MAFK: variants seen among roughly 807,000 people sequenced by gnomAD.
MAFK encodes MAF bZIP transcription factor K.
A neutral mutation model predicts 9.2 loss-of-function variants in MAFK; 1 was observed. That is an observed-to-expected ratio of 0.11 (90% CI 0.04 to 0.52). MAFK has a LOEUF of 0.52. Among genes scored for constraint, MAFK ranks in the 20% least tolerant of loss-of-function variants. The probability of loss-of-function intolerance (pLI) is 0.94; values close to 1 mark genes in which losing one functional copy is unlikely to be tolerated. For missense variants in MAFK, 207 were observed against 236.0 expected, an observed-to-expected ratio of 0.88 and a Z score of 0.81; for synonymous variants, 110 against 107.4, an observed-to-expected ratio of 1.02 and a Z score of -0.15.
chr7:1,539,898 C>T, intron 2 of MAFK, 43 bp from the exon 3 acceptor site: 2 of 1,456,100 alleles, frequency 1.4e-6, no homozygotes, highest in Non-Finnish European at 1.8e-6. Flanking sequence ...CAGGCAGACA[C>T]CCCACGTTCT....
chr7:1,534,186 G>T lies in MAFK; in HGVS notation c.-45+3288G>T. 2.2e-6 allele frequency: 1 copy of T among 452,418 alleles called. No homozygotes were observed. Among genetic ancestry groups the T allele is most frequent in the South Asian group, 1.6e-5 (1 of 64,438 alleles). The allele number at this position is 452,418 out of a possible 1,614,324, so 28.0% of individuals were successfully genotyped here. ...GGGGTGCCTCCCGCATGCTTAGTGG[G>T]GCTGTGTCCGGGACAGCCGGACAGT... is the stretch of plus-strand genomic sequence containing the variant. On this transcript the variant is annotated intron_variant, in intron 1 of 2. Coordinates refer to ENST00000343242, the MANE Select transcript of MAFK (RefSeq NM_002360.4). This position sits in a 1 kb window ranked among gnomAD's most constrained non-coding sequence, Gnocchi z 4.3.
intron 1 of MAFK, chr7:1,537,819 G>C: frequency 2.1e-6 from 1 of 480,204 alleles, no homozygotes; most frequent in Non-Finnish European, 2.7e-6. Flanking sequence ...TGTGGGGAGG[G>C]TCCTGGGCTG....
At position 1,534,215 on chromosome 7, in the gene MAFK, G is replaced by C. The variant is rs1253095651; in HGVS notation, c.-45+3317G>C. The C allele has an allele frequency of 2.2e-6, 1 of 455,062 alleles. No homozygotes were observed. Among genetic ancestry groups the C allele is most frequent in the Admixed American group, 2.4e-5 (1 of 42,542 alleles). 28.2% of individuals were successfully genotyped at this position (455,062 alleles called of 1,614,324 possible). A position where few individuals can be genotyped will look rare whatever the true frequency, so the allele number is the denominator to read the frequency against. ...GTGTCCGGGACAGCCGGACAGTGGGGGCCCTCGCAGTGTAGGACCTCATCC... is the reference window on the plus strand; with the variant it reads ...GTGTCCGGGACAGCCGGACAGTGGGCGCCCTCGCAGTGTAGGACCTCATCC... On this transcript the variant is annotated intron_variant, in intron 1 of 2. Transcript: ENST00000343242. This position sits in a 1 kb window ranked among gnomAD's most constrained non-coding sequence, Gnocchi z 4.3.
chr7:1,539,074 A>G (rs145907430), intron 1 of MAFK, 75 bp from the exon 2 acceptor site: 636 of 1,136,020 alleles, frequency 5.6e-4, no homozygotes, highest in Non-Finnish European at 8.1e-4. Context: ...GCATCCCTGC[A>G]TGGGAGGTGG....
chr7:1,539,095 C>T lies in MAFK; in HGVS notation c.-44-54C>T, dbSNP rs138649286. 7.7e-5 allele frequency: 111 copies of T among 1,434,976 alleles called. No individual in the cohort carries two copies. In the African/African-American group the frequency reaches 1.1e-3, roughly 14 times the overall value. 88.9% of individuals were successfully genotyped at this position (1,434,976 alleles called of 1,614,324 possible). A position where few individuals can be genotyped will look rare whatever the true frequency, so the allele number is the denominator to read the frequency against. On this transcript the variant is annotated intron_variant, in intron 1 of 2. Coordinates refer to ENST00000343242, the MANE Select transcript of MAFK (RefSeq NM_002360.4). Reference sequence around the variant, plus strand: ...CTGCATGGGAGGTGGGCACCCTGTCCGGCGCTGCCGGCCCTGACCTGTGCT... The same window carrying T: ...CTGCATGGGAGGTGGGCACCCTGTCTGGCGCTGCCGGCCCTGACCTGTGCT...
In MAFK at chr7:1,540,305, C is replaced by G; in HGVS notation, c.401C>G (p.Thr134Ser). The G allele has an allele frequency of 1.2e-6, 2 of 1,611,678 alleles. No individual in the cohort carries two copies. Among genetic ancestry groups the G allele is most frequent in the Non-Finnish European group, 1.7e-6 (2 of 1,179,142 alleles). ...GPVAPSKVAT[T>S]SVITIVKSTE... ...GTGGCGCCCTCCAAGGTGGCCACCA[C>G]CAGCGTCATCACCATCGTCAAGTCC... Residue 134 changes from threonine to serine, a missense_variant, in exon 3 of 3, where the codon ACC becomes AGC. Physicochemically the swap from Thr to Ser is moderately conservative, Grantham distance 58 (BLOSUM62 1). Coordinates refer to ENST00000343242, the MANE Select transcript of MAFK (RefSeq NM_002360.4).
chr7:1,534,224 A>G lies in MAFK; in HGVS notation c.-45+3326A>G, dbSNP rs952946452. 4 of 454,948 alleles carry G rather than the reference A, an allele frequency of 8.8e-6. No homozygotes were observed. Among genetic ancestry groups the G allele is most frequent in the African/African-American group, 2.0e-5 (1 of 50,000 alleles). 28.2% of individuals were successfully genotyped at this position (454,948 alleles called of 1,614,324 possible). ...ACAGCCGGACAGTGGGGGCCCTCGC[A>G]GTGTAGGACCTCATCCTCAGTAGGA... On this transcript the variant is annotated intron_variant, in intron 1 of 2. Coordinates refer to ENST00000343242, the MANE Select transcript of MAFK (RefSeq NM_002360.4). The surrounding 1 kb of genome is among the most constrained non-coding windows in gnomAD (Gnocchi z 4.3).
chr7:1,531,391 A>T (rs2128550471), intron 1 of MAFK, among the ~76,000 whole-genome samples: 1 of 152,058 alleles, frequency 6.6e-6, no homozygotes, highest in South Asian at 2.1e-4. Flanking sequence ...CCTCCCGGTG[A>T]CGGGCGGCGC....
rs1784116520 is a variant in MAFK at position 1,539,349 on chromosome 7, G to A, written c.36+121G>A. 7 of 768,798 alleles carry A rather than the reference G, an allele frequency of 9.1e-6. No individual in the cohort carries two copies. The Admixed American group carries it at 1.0e-4, about 11-fold the overall frequency. The allele number at this position is 768,798 out of a possible 1,614,324, so 47.6% of individuals were successfully genotyped here. On this transcript the variant is annotated intron_variant, in intron 2 of 2. Coordinates refer to ENST00000343242, the MANE Select transcript of MAFK (RefSeq NM_002360.4). ...GTGATGGAGGCCTCCCTGTTGCCAGGAGGAGGGGGGCTGCTGTGGCCGAGG... is the reference window on the plus strand; with the variant it reads ...GTGATGGAGGCCTCCCTGTTGCCAGAAGGAGGGGGGCTGCTGTGGCCGAGG...
chr7:1,534,148 C>G lies in MAFK; in HGVS notation c.-45+3250C>G, dbSNP rs112808977. The G allele has an allele frequency of 9.1e-6, 4 of 437,870 alleles. No individual in the cohort carries two copies. Among genetic ancestry groups the G allele is most frequent in the Non-Finnish European group, 9.4e-6 (2 of 213,570 alleles). The allele number at this position is 437,870 out of a possible 1,614,324, so 27.1% of individuals were successfully genotyped here. On this transcript the variant is annotated intron_variant, in intron 1 of 2. Coordinates refer to ENST00000343242, the MANE Select transcript of MAFK (RefSeq NM_002360.4). This position sits in a 1 kb window ranked among gnomAD's most constrained non-coding sequence, Gnocchi z 4.3. ...CTGCTGGCTGGTATGGGCCGGGCTG[C>G]GGGGTGCCAAGTGGGGTGCCTCCCG... is the stretch of plus-strand genomic sequence containing the variant.
intron 1 of MAFK, among the ~76,000 whole-genome samples, chr7:1,533,207 C>G (rs1783943543): frequency 6.6e-6 from 1 of 152,164 alleles, no homozygotes; most frequent in Non-Finnish European, 1.5e-5. Flanking sequence ...GGTGTAGAGC[C>G]TTCCTGCTTC....
rs927671069 is a variant in MAFK, at chr7:1,538,524, C to T, written c.-44-625C>T. 2.3e-5 allele frequency: 18 copies of T among 773,494 alleles called. 1 individual carries two copies. Among genetic ancestry groups the T allele is most frequent in the Admixed American group, 1.9e-4 (3 of 16,028 alleles). The allele number at this position is 773,494 out of a possible 1,614,324, so 47.9% of individuals were successfully genotyped here. A position where few individuals can be genotyped will look rare whatever the true frequency, so the allele number is the denominator to read the frequency against. Reference sequence around the variant, plus strand: ...CGGCTGGGCCTCCACCCAGGCCCACCGTGGGGGATGGCGATGTCAGGGGCT... The same window carrying T: ...CGGCTGGGCCTCCACCCAGGCCCACTGTGGGGGATGGCGATGTCAGGGGCT... On this transcript the variant is annotated intron_variant, in intron 1 of 2. Coordinates refer to ENST00000343242, the MANE Select transcript of MAFK (RefSeq NM_002360.4).
chr7:1,540,106 T>A lies in MAFK; in HGVS notation c.202T>A (p.Cys68Ser). 2 of 1,570,562 alleles carry A rather than the reference T, an allele frequency of 1.3e-6. No individual in the cohort carries two copies. The highest frequency in any genetic ancestry group is 1.7e-6 in the Non-Finnish European group (2 of 1,157,784). The stretch of plus-strand genomic sequence containing the variant: ...CAAGAACCGCGGCTACGCGGCCAGC[T>A]GCCGCATCAAGCGGGTGACGCAGAA... ...TLKNRGYAAS[C>S]RIKRVTQKEE... The change falls in exon 3 of 3, where the codon TGC becomes AGC. Residue 68 changes from cysteine (C) to serine (S), a missense_variant. Cys to Ser is a moderately radical substitution (Grantham distance 112). Transcript: ENST00000343242.
At chr7:1,538,068 G>A (rs936420683) in intron 1 of MAFK, 6 of 172,568 alleles carry the variant, frequency 3.5e-5, no homozygotes, top group Non-Finnish European at 5.8e-5. Flanking sequence ...TGCCGGCCTC[G>A]TGATGTCTGT....
At chr7:1,535,784 C>G (rs563270178) in intron 1 of MAFK, among the ~76,000 whole-genome samples, 64 of 152,350 alleles carry the variant, frequency 4.2e-4, no homozygotes, top group African/African-American at 1.5e-3. Context: ...GCCCAGGGCT[C>G]TGATCCTCAC....
chr7:1,536,326 C>T (rs1426447856), intron 1 of MAFK, among the ~76,000 whole-genome samples: 2 of 152,122 alleles, frequency 1.3e-5, no homozygotes, highest in Non-Finnish European at 2.9e-5. Context: ...AGCTGCTGGG[C>T]GTAAGACACA....
chr7:1,538,969 C>T (rs1271723007), intron 1 of MAFK, 180 bp from the exon 2 acceptor site: 1 of 584,770 alleles, frequency 1.7e-6, no homozygotes, highest in South Asian at 2.1e-5. Context: ...GGCCAGGATG[C>T]CTCACCCCCT....
Position 1,536,256 on chromosome 7 carries a change from C to T in MAFK, c.-44-2893C>T, listed in dbSNP as rs530811300. Among the ~76,000 whole-genome samples the T allele has an allele frequency of 2.8e-4, 42 of 152,316 alleles. 1 individual carries two copies. Among genetic ancestry groups the T allele is most frequent in the South Asian group, 1.5e-3 (7 of 4,814 alleles). On this transcript the variant is annotated intron_variant, in intron 1 of 2. Coordinates refer to ENST00000343242, the MANE Select transcript of MAFK (RefSeq NM_002360.4). ...AACACTGCACTTCTCTGGTGACCAC[C>T]GAAACTCAGAGGAGCTCGGGGTGTC... is the stretch of plus-strand genomic sequence containing the variant.
intron 1 of MAFK, among the ~76,000 whole-genome samples, chr7:1,535,767 G>A (rs898369226): frequency 6.6e-6 from 1 of 152,304 alleles, no homozygotes; most frequent in Non-Finnish European, 1.5e-5. Context: ...CTGCCCTGCC[G>A]GGGGGAGCCC....
Sources: gnomAD v4.1 joint callset for allele counts (sites outside exome capture counted in the v4.1 genomes callset) on GRCh38, gnomAD v4.1.1 for gene constraint, Gnocchi (gnomAD v3.1) non-coding constraint, MANE v1.5 for transcripts, NCBI Gene and HGNC (gene_info 2026-07-23, HGNC 2026-07-21) for gene names.